The following AKT3 variants were observed in gnomAD, a reference collection of about 807,000 sequenced individuals.
The protein encoded by AKT3 is AKT serine/threonine kinase 3, also known as RAC-gamma serine/threonine-protein kinase.
AKT3 carries 15 observed loss-of-function variants against 65.3 expected under a neutral mutation model. The ratio of observed to expected loss-of-function variants is 0.23; its 90% CI spans 0.15 to 0.35. AKT3 has a LOEUF of 0.35. AKT3 is among the 10% of genes least tolerant of loss of function. The pLI, the probability that AKT3 is intolerant of heterozygous loss-of-function variation, is 1.00. For synonymous variants in AKT3, 206 were observed against 183.8 expected (o/e 1.12, Z -0.98); for missense variants, 243 against 576.5 (o/e 0.42, Z 5.92).
intron 11 of AKT3, among the ~76,000 whole-genome samples, chr1:243,551,118 A>G (rs991742408): frequency 6.6e-6 from 1 of 152,184 alleles, no homozygotes; most frequent in African/African-American, 2.4e-5. Context: ...TAAATAAGAT[A>G]CATAAGAAAT....
chr1:243,498,227 A>ACAAT (rs111264775), downstream of AKT3, among the ~76,000 whole-genome samples: 8,792 of 152,208 alleles, frequency 0.058, 829 homozygotes, highest in African/African-American at 0.2. Context: ...CCTGCGTTTG[A>ACAAT]CAATCAGATC....
chr1:243,631,852 A>C (rs1000684039), intron 6 of AKT3, among the ~76,000 whole-genome samples: 3 of 152,214 alleles, frequency 2.0e-5, no homozygotes, highest in East Asian at 1.9e-4. Flanking sequence ...TTGCTCATCC[A>C]TAAGAAGCAA....
chr1:243,823,031 T>G (rs1400965647), intron 2 of AKT3, among the ~76,000 whole-genome samples: 1 of 152,114 alleles, frequency 6.6e-6, no homozygotes, highest in Non-Finnish European at 1.5e-5. Context: ...AAATCCTCAA[T>G]AAAACGCTGG....
At chr1:243,849,950 G>C in intron 1 of AKT3, 90 bp downstream of exon 1, 1 of 921,462 alleles carries the variant, frequency 1.1e-6, no homozygotes, top group Non-Finnish European at 1.3e-6. Flanking sequence ...CCCGCCTGAG[G>C]GAGGCAGGGA....
At chr1:243,771,273 T>C (rs937877928) in intron 2 of AKT3, among the ~76,000 whole-genome samples, 2 of 152,132 alleles carry the variant, frequency 1.3e-5, no homozygotes, top group African/African-American at 4.8e-5. Context: ...CTATGATTAT[T>C]AGAGTGTATT....
intron 8 of AKT3, among the ~76,000 whole-genome samples, chr1:243,576,713 AG>A (rs1378938017): frequency 6.6e-6 from 1 of 152,224 alleles, no homozygotes; most frequent in Non-Finnish European, 1.5e-5. Flanking sequence ...CTACGGCTCA[AG>A]GAAATAAGAG....
intron 2 of AKT3, among the ~76,000 whole-genome samples, chr1:243,833,071 C>A (rs1694640670): frequency 6.6e-6 from 1 of 151,740 alleles, no homozygotes; most frequent in Admixed American, 6.6e-5. Flanking sequence ...ACCAGCCTGG[C>A]CAACATGGTG....
intron 2 of AKT3, chr1:243,741,737 C>A (rs549522635): frequency 6.6e-6 from 1 of 152,096 alleles, no homozygotes; most frequent in African/African-American, 2.4e-5. Flanking sequence ...ACAAGACTAG[C>A]AGACATGATA....
At chr1:243,715,466 T>C (rs1170286099) in intron 2 of AKT3, among the ~76,000 whole-genome samples, 1 of 152,120 alleles carries the variant, frequency 6.6e-6, no homozygotes, top group Non-Finnish European at 1.5e-5. Flanking sequence ...GGTTTCGACA[T>C]AGACAGATGT....
At chr1:243,846,471 T>A (rs1695527737) in intron 1 of AKT3, among the ~76,000 whole-genome samples, 1 of 152,144 alleles carries the variant, frequency 6.6e-6, no homozygotes, top group Non-Finnish European at 1.5e-5. Flanking sequence ...TAGTTGGTGA[T>A]AGAGTACTGA....
intron 2 of AKT3, among the ~76,000 whole-genome samples, chr1:243,840,367 G>A (rs1431998131): frequency 6.6e-6 from 1 of 151,800 alleles, no homozygotes; most frequent in Non-Finnish European, 1.5e-5. Context: ...TGGGGGGCAA[G>A]GTAAGGGAGA....
At chr1:243,691,055 A>G (rs946455333) in intron 3 of AKT3, among the ~76,000 whole-genome samples, 3 of 152,222 alleles carry the variant, frequency 2.0e-5, no homozygotes, top group African/African-American at 7.2e-5. Context: ...AGCAGAAGAT[A>G]ATAGATTTAA....
intron 4 of AKT3, among the ~76,000 whole-genome samples, chr1:243,646,602 G>A (rs1022954762): frequency 2.0e-5 from 3 of 152,040 alleles, no homozygotes; most frequent in Admixed American, 6.6e-5. Flanking sequence ...TGATCCATCC[G>A]CCATGGCCTC....
chr1:243,821,456 G>A (rs1381510757), intron 2 of AKT3, among the ~76,000 whole-genome samples: 2 of 152,028 alleles, frequency 1.3e-5, no homozygotes, highest in African/African-American at 4.8e-5. Context: ...ATGTAAATGG[G>A]CCAAATGTCC....
At chr1:243,596,066 A>G (rs1456444371) in intron 8 of AKT3, among the ~76,000 whole-genome samples, 1 of 152,142 alleles carries the variant, frequency 6.6e-6, no homozygotes, top group East Asian at 1.9e-4. Context: ...GGCAATATGA[A>G]TTTTTCAGCT....
At chr1:243,689,831 A>G (rs1684575604) in intron 3 of AKT3, among the ~76,000 whole-genome samples, 1 of 151,986 alleles carries the variant, frequency 6.6e-6, no homozygotes, top group South Asian at 2.1e-4. Context: ...TGTAGTCCCC[A>G]ATACTCAGGA....
chr1:243,761,779 T>C (rs1220506656), intron 2 of AKT3, among the ~76,000 whole-genome samples: 1 of 152,164 alleles, frequency 6.6e-6, no homozygotes, highest in Non-Finnish European at 1.5e-5. Flanking sequence ...TACTATTAAC[T>C]TAATGATGTT....
intron 2 of AKT3, among the ~76,000 whole-genome samples, chr1:243,700,174 ATTGAG>A (rs1258650604): frequency 6.6e-6 from 1 of 152,210 alleles, no homozygotes; most frequent in Non-Finnish European, 1.5e-5. Context: ...CTACTTACTC[ATTGAG>A]TTCTTGGCAT....
At chr1:243,705,800 G>A (rs1484273764) in intron 2 of AKT3, among the ~76,000 whole-genome samples, 1 of 152,070 alleles carries the variant, frequency 6.6e-6, no homozygotes, top group Non-Finnish European at 1.5e-5. Flanking sequence ...TGTGAGCTAA[G>A]TTATTATTTT....
Sources: gnomAD v4.1 joint callset for allele counts (sites outside exome capture counted in the v4.1 genomes callset) on GRCh38, gnomAD v4.1.1 for gene constraint, MANE v1.5 for transcripts, NCBI Gene and HGNC (gene_info 2026-07-23, HGNC 2026-07-21) for gene names.